DOCK4: variants seen among roughly 807,000 people sequenced by gnomAD.
DOCK4 encodes the protein dedicator of cytokinesis 4.
A neutral mutation model predicts 268.1 loss-of-function variants in DOCK4; 97 were observed. The observed-to-expected ratio is 0.36, with a 90% CI of 0.31 to 0.43. The LOEUF is 0.43. DOCK4 is among the 20% of genes least tolerant of loss of function. The pLI, the probability that DOCK4 is intolerant of heterozygous loss-of-function variation, is 1.00. For synonymous variants in DOCK4, 954 were observed against 887.2 expected (o/e 1.08, Z -1.34); for missense variants, 2,145 against 2,455.7 (o/e 0.87, Z 2.67).
intron 1 of DOCK4, among the ~76,000 whole-genome samples, chr7:112,150,775 C>T (rs1267960678): frequency 6.6e-6 from 1 of 152,134 alleles, no homozygotes; most frequent in African/African-American, 2.4e-5. Context: ...TTAAAAAGTC[C>T]CAATGTTAGA....
rs765390580 is a variant in DOCK4 at position 111,728,349 on chromosome 7, G to T, written c.5853C>A (p.His1951Gln). ...CAGTCCTCCGGGCCCCATTCTCCAG[G>T]TGGCTGGATCGCGCTGCCAGAGGCT... ...PPKPLAARSS[H>Q]LENGARRTDP... The change falls in exon 53 of 53, where the codon CAC (histidine) becomes CAA (glutamine). Residue 1951 changes from histidine to glutamine, a missense_variant. Coordinates refer to ENST00000428084, the MANE Select transcript of DOCK4 (RefSeq NM_001363540.2). 1.2e-5 allele frequency: 19 copies of T among 1,521,448 alleles called. No individual in the cohort carries two copies. The highest frequency in any genetic ancestry group is 1.5e-5 in the Non-Finnish European group (17 of 1,137,190). The allele number at this position is 1,521,448 out of a possible 1,614,324, so 94.2% of individuals were successfully genotyped here.
intron 25 of DOCK4, among the ~76,000 whole-genome samples, chr7:111,841,479 G>A (rs147608014): frequency 9.2e-4 from 140 of 152,052 alleles, no homozygotes; most frequent in Non-Finnish European, 1.1e-3. Context: ...CTGTTTTAAA[G>A]AAACAGAGGC....
intron 32 of DOCK4, chr7:111,784,415 T>G (rs1411063343): frequency 1.6e-6 from 1 of 609,656 alleles, no homozygotes; most frequent in Non-Finnish European, 3.1e-6. Flanking sequence ...ATCCAAGCAA[T>G]TTTACTGCAA....
At chr7:111,975,383 TACAG>T (rs1798087106) in intron 8 of DOCK4, among the ~76,000 whole-genome samples, 1 of 152,220 alleles carries the variant, frequency 6.6e-6, no homozygotes. Context: ...TCACATATTA[TACAG>T]ACAATGTTAT....
At chr7:111,833,733 G>C (rs1390191721) in intron 26 of DOCK4, among the ~76,000 whole-genome samples, 1 of 152,062 alleles carries the variant, frequency 6.6e-6, no homozygotes, top group Non-Finnish European at 1.5e-5. Flanking sequence ...TAAAGTCAAA[G>C]ATAAGTGACC....
intron 1 of DOCK4, among the ~76,000 whole-genome samples, chr7:112,195,621 C>G (rs1820352042): frequency 6.6e-6 from 1 of 151,766 alleles, no homozygotes; most frequent in African/African-American, 2.4e-5. Context: ...TTTCGGTTGC[C>G]TTATGTACAT....
Position 111,838,206 on chromosome 7 carries a change from C to T in DOCK4, c.2737-3520G>A, listed in dbSNP as rs1160253528. ...GGGGATTAGAAATTGAAAGGCTGAT[C>T]TAACTTTAAAATCCATAAGGAGTGA... On this transcript the variant is annotated intron_variant, in intron 25 of 52. Transcript: ENST00000428084. Among the ~76,000 whole-genome samples, 3 of 148,790 alleles carry T rather than the reference C, an allele frequency of 2.0e-5. No individual in the cohort carries two copies. The East Asian group carries it at 6.2e-4, about 31-fold the overall frequency.
At chr7:111,749,183 G>A (rs539252115) in intron 42 of DOCK4, among the ~76,000 whole-genome samples, 1 of 152,274 alleles carries the variant, frequency 6.6e-6, no homozygotes, top group East Asian at 1.9e-4. Flanking sequence ...TACCTGAATG[G>A]TGGAAAACGG....
At position 111,734,703 on chromosome 7, in the gene DOCK4, G is replaced by A. The variant is rs564286382; in HGVS notation, c.5419+351C>T. ...TCAGTCCTGAATAAGACTGAAGAAA[G>A]TAGCTGAGTTAGCGGAGGTTGATAA... On this transcript the variant is annotated intron_variant, in intron 51 of 52. Coordinates refer to ENST00000428084, the MANE Select transcript of DOCK4 (RefSeq NM_001363540.2). 3.3e-5 allele frequency among the ~76,000 whole-genome samples: 5 copies of A among 152,326 alleles called. No individual in the cohort carries two copies. In the South Asian group the frequency reaches 1.0e-3, roughly 32 times the overall value.
chr7:111,916,001 G>GTT (rs1323573867), intron 12 of DOCK4, 97 bp from the exon 13 acceptor site: 1 of 1,307,372 alleles, frequency 7.6e-7, no homozygotes, highest in East Asian at 2.5e-5. Flanking sequence ...GAATATCATG[G>GTT]TTTTAAACTA....
At chr7:112,035,734 A>G (rs1458166644) in intron 1 of DOCK4, among the ~76,000 whole-genome samples, 4 of 152,182 alleles carry the variant, frequency 2.6e-5, no homozygotes, top group Admixed American at 2.6e-4. Flanking sequence ...TGCACACAGA[A>G]GTGTTCATAT....
In DOCK4 at chr7:112,101,849, T is replaced by TTCTTTC. The variant is rs1448871687; in HGVS notation, c.38-97719_38-97718insGAAAGA. ...AGACCTTTTCTTTTTCTTTTTCTTT[T>TTCTTTC]TTTTTTTTTTGAGACAAGAGTCTTG... On this transcript the variant is annotated intron_variant, in intron 1 of 52. Transcript: ENST00000428084. 2.7e-5 allele frequency among the ~76,000 whole-genome samples: 3 copies of TTCTTTC among 111,014 alleles called. No individual in the cohort carries two copies. In the East Asian group the frequency reaches 5.9e-4, roughly 22 times the overall value. The allele number at this position is 111,014 out of a possible 152,430, so 72.8% of individuals were successfully genotyped here.
chr7:111,762,762 C>CTTTCTTTTTT (rs1797505856), intron 39 of DOCK4, among the ~76,000 whole-genome samples: 1 of 63,068 alleles, frequency 1.6e-5, no homozygotes, highest in African/African-American at 5.5e-5. Flanking sequence ...GTTTTGTTTT[C>CTTTCTTTTTT]TTTTTTTTTT....
intron 25 of DOCK4, among the ~76,000 whole-genome samples, chr7:111,839,172 G>C (rs909619375): frequency 1.3e-5 from 2 of 152,146 alleles, no homozygotes; most frequent in African/African-American, 4.8e-5. Flanking sequence ...ATTGTATAGA[G>C]AAAATACACC....
At chr7:111,931,355 G>T (rs1331825085) in intron 12 of DOCK4, among the ~76,000 whole-genome samples, 1 of 152,184 alleles carries the variant, frequency 6.6e-6, no homozygotes. Flanking sequence ...AACAGAAAAG[G>T]TATGACTCAT....
At position 111,739,314 on chromosome 7, in the gene DOCK4, G is replaced by A. The variant is rs527597888; in HGVS notation, c.5123-71C>T. 2.7e-4 allele frequency: 437 copies of A among 1,592,614 alleles called. 1 individual carries two copies. In the African/African-American group the frequency reaches 5.3e-3, roughly 19 times the overall value. ...TGCACCTGTTTGGAGGCGAGAGCCT[G>A]AACGTGTGGCAGCTGGCCACAGTTC... is the stretch of plus-strand genomic sequence containing the variant. On this transcript the variant is annotated intron_variant, in intron 48 of 52. Coordinates refer to ENST00000428084, the MANE Select transcript of DOCK4 (RefSeq NM_001363540.2).
intron 7 of DOCK4, among the ~76,000 whole-genome samples, chr7:111,979,551 C>T (rs1000780542): frequency 6.6e-6 from 1 of 150,978 alleles, no homozygotes; most frequent in East Asian, 1.9e-4. Flanking sequence ...ACTAACAAGG[C>T]TTCACCATCC....
At chr7:112,097,236 G>C (rs751212553) in intron 1 of DOCK4, among the ~76,000 whole-genome samples, 1 of 152,180 alleles carries the variant, frequency 6.6e-6, no homozygotes, top group Non-Finnish European at 1.5e-5. Flanking sequence ...GGGAAGGTCT[G>C]AACATATGAA....
rs1202786373 is a variant in DOCK4, at chr7:111,774,467, A to AAAAGC, written c.3679+3804_3679+3808dup. Reference sequence around the variant, plus strand: ...GGGCGACAGAGTGAGACTCTGTCTCAAAAGCAAAACAAAACAAAAAAATCT... The same window carrying AAAAGC: ...GGGCGACAGAGTGAGACTCTGTCTCAAAAGCAAAGCAAAACAAAACAAAAAAATCT... On this transcript the variant is annotated intron_variant, in intron 36 of 52. Coordinates refer to ENST00000428084, the MANE Select transcript of DOCK4 (RefSeq NM_001363540.2). Among the ~76,000 whole-genome samples, 436 of 152,318 alleles carry AAAAGC rather than the reference A, an allele frequency of 2.9e-3. 2 individuals are homozygous for AAAAGC. Among genetic ancestry groups the AAAAGC allele is most frequent in the African/African-American group, 9.9e-3 (412 of 41,548 alleles).
Sources: allele counts gnomAD v4.1 joint callset (sites outside exome capture counted in the v4.1 genomes callset), GRCh38; gene constraint gnomAD v4.1.1; transcripts MANE v1.5; gene names NCBI Gene and HGNC (gene_info 2026-07-23, HGNC 2026-07-21).